TNR: variants seen among roughly 807,000 people sequenced by gnomAD.
TNR encodes tenascin-R.
Under a neutral mutation model 150.4 loss-of-function variants are expected in TNR, and 45 were observed. That is an observed-to-expected ratio of 0.30 (90% CI 0.24 to 0.38). TNR has a LOEUF of 0.38. Among genes scored for constraint, TNR ranks in the 10% least tolerant of loss-of-function variants. The probability of loss-of-function intolerance (pLI) is 1.00; values close to 1 mark genes in which losing one functional copy is unlikely to be tolerated. For synonymous variants in TNR, 687 were observed against 678.4 expected, an observed-to-expected ratio of 1.01 and a Z score of -0.20; for missense variants, 1,544 against 1,759.1, an observed-to-expected ratio of 0.88 and a Z score of 2.19.
At chr1:175,485,628 C>T (rs575573323) in intron 2 of TNR, among the ~76,000 whole-genome samples, 1 of 152,272 alleles carries the variant, frequency 6.6e-6, no homozygotes, top group East Asian at 1.9e-4. Context: ...GCCACACATG[C>T]TGGATCCTTT....
At chr1:175,635,141 A>T (rs565937316) in intron 1 of TNR, among the ~76,000 whole-genome samples, 2 of 152,228 alleles carry the variant, frequency 1.3e-5, no homozygotes. Flanking sequence ...AGCTAAAGCC[A>T]TGTGTGAGGG....
At chr1:175,512,082 T>C (rs1659201509) in intron 2 of TNR, among the ~76,000 whole-genome samples, 1 of 152,092 alleles carries the variant, frequency 6.6e-6, no homozygotes, top group Non-Finnish European at 1.5e-5. Flanking sequence ...TTAAAAAAAT[T>C]CCAACATAAA....
chr1:175,491,452 C>G (rs546770334), intron 2 of TNR, among the ~76,000 whole-genome samples: 17 of 149,774 alleles, frequency 1.1e-4, no homozygotes, highest in Non-Finnish European at 2.1e-4. Context: ...AGCACATGAC[C>G]TCCTGACTTC....
At chr1:175,520,089 G>A (rs1036435334) in intron 2 of TNR, among the ~76,000 whole-genome samples, 2 of 152,142 alleles carry the variant, frequency 1.3e-5, no homozygotes, top group East Asian at 1.9e-4. Flanking sequence ...GTAAATGAGC[G>A]AATAAACATA....
chr1:175,664,896 G>T (rs1319973063), intron 1 of TNR, among the ~76,000 whole-genome samples: 1 of 152,190 alleles, frequency 6.6e-6, no homozygotes, highest in African/African-American at 2.4e-5. Context: ...AAAACTTCCA[G>T]GGATGGCCCA....
chr1:175,396,787 G>T lies in TNR; in HGVS notation c.997C>A (p.Arg333=). 1 of 1,613,792 alleles carries T rather than the reference G, an allele frequency of 6.2e-7. No individual in the cohort carries two copies. The highest frequency in any genetic ancestry group is 8.5e-7 in the Non-Finnish European group (1 of 1,179,764). The change falls in exon 5 of 23, where the codon CGA becomes AGA. Residue 333 remains arginine, a synonymous_variant. Transcript: ENST00000367674. The part of the protein sequence containing the change: ...CSAVAPPEDL[R]VAGISDRSIE... ...GACCTGTCGCTGATACCAGCCACTC[G>T]CAAGTCCTCTGGAGGGGCAACTACC... is the stretch of plus-strand genomic sequence containing the variant.
intron 1 of TNR, among the ~76,000 whole-genome samples, chr1:175,546,549 T>A (rs1384914774): frequency 6.6e-6 from 1 of 152,214 alleles, no homozygotes; most frequent in East Asian, 1.9e-4. Flanking sequence ...AGGGCAGAGT[T>A]GCTTTTCAGC....
intron 1 of TNR, among the ~76,000 whole-genome samples, chr1:175,643,383 G>C (rs974494301): frequency 6.6e-6 from 1 of 152,176 alleles, no homozygotes; most frequent in Non-Finnish European, 1.5e-5. Context: ...GGCCACAGTG[G>C]TATTTGTCTC....
At chr1:175,688,574 C>T (rs112115441) in intron 1 of TNR, among the ~76,000 whole-genome samples, 6 of 152,180 alleles carry the variant, frequency 3.9e-5, no homozygotes, top group African/African-American at 1.4e-4. Context: ...ACCCAGGAAG[C>T]AGAGGGCAGT....
At chr1:175,437,637 T>C (rs1571438332) in intron 2 of TNR, among the ~76,000 whole-genome samples, 1 of 152,002 alleles carries the variant, frequency 6.6e-6, no homozygotes, top group African/African-American at 2.4e-5. Context: ...CTAGCAAGAC[T>C]AATAAAGAAG....
intron 2 of TNR, among the ~76,000 whole-genome samples, chr1:175,505,981 A>G (rs543522243): frequency 6.6e-6 from 1 of 152,370 alleles, no homozygotes; most frequent in African/African-American, 2.4e-5. Flanking sequence ...TGGAGGTTAC[A>G]GTGAGCTGAG....
At chr1:175,341,366 G>A (rs1414566079) in intron 18 of TNR, among the ~76,000 whole-genome samples, 4 of 152,124 alleles carry the variant, frequency 2.6e-5, no homozygotes, top group African/African-American at 9.7e-5. Flanking sequence ...TTTAGCACAG[G>A]CTGTGGTGAT....
chr1:175,535,449 TG>T (rs869171677), intron 1 of TNR, among the ~76,000 whole-genome samples: 1,880 of 20,732 alleles, frequency 0.091, 27 homozygotes, highest in African/African-American at 0.15. Context: ...ATTTATTTTT[TG>T]TTGTTGTTGT....
chr1:175,526,029 C>T (rs1418265204), intron 2 of TNR, among the ~76,000 whole-genome samples: 3 of 151,550 alleles, frequency 2.0e-5, no homozygotes, highest in African/African-American at 7.3e-5. Flanking sequence ...TTTTAAATTC[C>T]CCTTTCCCAT....
chr1:175,476,629 C>T (rs1009431395), intron 2 of TNR, among the ~76,000 whole-genome samples: 3 of 152,204 alleles, frequency 2.0e-5, no homozygotes, highest in South Asian at 2.1e-4. Flanking sequence ...CAAAGCTACA[C>T]CTCACAATAA....
chr1:175,714,176 C>A (rs1433310740), intron 1 of TNR, among the ~76,000 whole-genome samples: 1 of 151,924 alleles, frequency 6.6e-6, no homozygotes, highest in Non-Finnish European at 1.5e-5. Flanking sequence ...TGGCATCTTT[C>A]TCTTCCCACT....
Position 175,406,202 on chromosome 1 carries a change from C to T in TNR, c.499+14G>A, listed in dbSNP as rs1249666177. Reference sequence around the variant, plus strand: ...TCCCCTCCTGAGACCACGCTGCGAGCTCCCGGACTCTACCTGTGGCAGCAC... The same window carrying T: ...TCCCCTCCTGAGACCACGCTGCGAGTTCCCGGACTCTACCTGTGGCAGCAC... On this transcript the variant is annotated intron_variant, in intron 3 of 22. Coordinates refer to ENST00000367674, the MANE Select transcript of TNR (RefSeq NM_003285.3). 1 of 1,610,408 alleles carries T rather than the reference C, an allele frequency of 6.2e-7. No homozygotes were observed. Among genetic ancestry groups the T allele is most frequent in the Non-Finnish European group, 8.5e-7 (1 of 1,178,106 alleles).
chr1:175,509,639 TC>T (rs1487930579), intron 2 of TNR, among the ~76,000 whole-genome samples: 2 of 152,174 alleles, frequency 1.3e-5, no homozygotes, highest in Non-Finnish European at 2.9e-5. Context: ...AGGACAGTCT[TC>T]CAGAAAATGA....
intron 1 of TNR, among the ~76,000 whole-genome samples, chr1:175,590,901 C>T (rs920451041): frequency 2.6e-5 from 4 of 152,146 alleles, no homozygotes; most frequent in Non-Finnish European, 4.4e-5. Flanking sequence ...ATAATATGAG[C>T]GCTGAGGATC....
Sources: allele counts gnomAD v4.1 joint callset (sites outside exome capture counted in the v4.1 genomes callset), GRCh38; gene constraint gnomAD v4.1.1; transcripts MANE v1.5; gene names NCBI Gene and HGNC (gene_info 2026-07-23, HGNC 2026-07-21).